SORCS2: variants seen among roughly 807,000 people sequenced by gnomAD.
SORCS2 encodes the protein sortilin related VPS10 domain containing receptor 2, also known as VPS10 domain-containing receptor SorCS2.
SORCS2 carries 100 observed loss-of-function variants against 141.6 expected under a neutral mutation model. That is an observed-to-expected ratio of 0.71 (90% CI 0.60 to 0.83). The LOEUF is 0.83. Ranked by LOEUF, SORCS2 falls within the 40% of genes least tolerant of loss-of-function variation. The probability of loss-of-function intolerance (pLI) is 0.00; values close to 1 mark genes in which losing one functional copy is unlikely to be tolerated. For synonymous variants in SORCS2, 789 were observed against 676.9 expected, an observed-to-expected ratio of 1.17 and a Z score of -2.57; for missense variants, 1,646 against 1,560.2, an observed-to-expected ratio of 1.05 and a Z score of -0.93.
At chr4:7,393,603 A>G (rs1400122153) in intron 1 of SORCS2, among the ~76,000 whole-genome samples, 1 of 152,060 alleles carries the variant, frequency 6.6e-6, no homozygotes, top group African/African-American at 2.4e-5. Context: ...TAGTTCCTTC[A>G]TCTGTAAAAC....
At chr4:7,456,470 A>T (rs1334537076) in intron 2 of SORCS2, among the ~76,000 whole-genome samples, 2 of 150,572 alleles carry the variant, frequency 1.3e-5, no homozygotes, top group African/African-American at 5.0e-5. Context: ...CATAAGCCTG[A>T]AGGGTGAGAG....
chr4:7,496,794 C>G (rs1211985733), intron 2 of SORCS2, among the ~76,000 whole-genome samples: 1 of 152,102 alleles, frequency 6.6e-6, no homozygotes, highest in East Asian at 1.9e-4. Flanking sequence ...GATGACAAAA[C>G]AAAGGACCTT....
At chr4:7,324,281 G>A (rs1226475186) in intron 1 of SORCS2, among the ~76,000 whole-genome samples, 1 of 152,238 alleles carries the variant, frequency 6.6e-6, no homozygotes, top group Non-Finnish European at 1.5e-5. Flanking sequence ...TGGTGGTGAG[G>A]CAGGTGGCTG....
intron 3 of SORCS2, among the ~76,000 whole-genome samples, chr4:7,550,643 C>G (rs1460262042): frequency 6.6e-6 from 1 of 152,238 alleles, no homozygotes; most frequent in Admixed American, 6.5e-5. Context: ...AACCCAATGT[C>G]TGCCCACCCT....
At chr4:7,397,495 C>A (rs1461870320) in intron 2 of SORCS2, among the ~76,000 whole-genome samples, 1 of 152,058 alleles carries the variant, frequency 6.6e-6, no homozygotes, top group Non-Finnish European at 1.5e-5. Flanking sequence ...ACCCACTGGT[C>A]TCTTCTAATT....
chr4:7,708,716 T>C (rs1354813831), intron 14 of SORCS2, among the ~76,000 whole-genome samples: 1 of 152,230 alleles, frequency 6.6e-6, no homozygotes, highest in Non-Finnish European at 1.5e-5. Context: ...ACGGGCTGTT[T>C]TCATACGTGA....
rs564620117 is a variant in SORCS2 at position 7,297,289 on chromosome 4, C to G, written c.481-98999C>G. Among the ~76,000 whole-genome samples, 4 of 152,282 alleles carry G rather than the reference C, an allele frequency of 2.6e-5. No individual in the cohort carries two copies. In the South Asian group the frequency reaches 8.3e-4, roughly 32 times the overall value. Reference sequence around the variant, plus strand: ...CCTGAGGGAGGAATCGGTGAATGAGCCCCCAGAGTCGGTGGGGCTGGAGGG... The same window carrying G: ...CCTGAGGGAGGAATCGGTGAATGAGGCCCCAGAGTCGGTGGGGCTGGAGGG... On this transcript the variant is annotated intron_variant, in intron 1 of 26. Transcript: ENST00000507866.
At chr4:7,306,683 G>T (rs973591301) in intron 1 of SORCS2, among the ~76,000 whole-genome samples, 1 of 152,206 alleles carries the variant, frequency 6.6e-6, no homozygotes, top group African/African-American at 2.4e-5. Context: ...GAAGTGCTCT[G>T]TGCTCTCCAG....
chr4:7,565,127 T>G (rs1714873562), intron 3 of SORCS2, among the ~76,000 whole-genome samples: 1 of 152,190 alleles, frequency 6.6e-6, no homozygotes, highest in Non-Finnish European at 1.5e-5. Flanking sequence ...CTGTGGAGAC[T>G]CCACTCGCTC....
At chr4:7,478,821 C>T (rs73088063) in intron 2 of SORCS2, among the ~76,000 whole-genome samples, 2 of 152,162 alleles carry the variant, frequency 1.3e-5, no homozygotes, top group African/African-American at 4.8e-5. Flanking sequence ...CGGCCCATGA[C>T]AGGGGAGACC....
chr4:7,316,321 A>T (rs1384007505), intron 1 of SORCS2, among the ~76,000 whole-genome samples: 1 of 152,206 alleles, frequency 6.6e-6, no homozygotes, highest in Non-Finnish European at 1.5e-5. Flanking sequence ...ATTTTTTTGG[A>T]CATCTCTCAT....
chr4:7,513,340 C>CA (rs1372032546), intron 2 of SORCS2, among the ~76,000 whole-genome samples: 8 of 152,284 alleles, frequency 5.3e-5, no homozygotes, highest in Admixed American at 1.3e-4. Context: ...ACCTGCCCCC[C>CA]AACCCTGCAG....
chr4:7,487,373 A>G (rs1172022541), intron 2 of SORCS2, among the ~76,000 whole-genome samples: 1 of 152,188 alleles, frequency 6.6e-6, no homozygotes, highest in Non-Finnish European at 1.5e-5. Context: ...TGGCTCCTGG[A>G]TAAGGCTGTG....
chr4:7,622,840 TGTG>T (rs558847542), intron 3 of SORCS2, among the ~76,000 whole-genome samples: 2 of 152,210 alleles, frequency 1.3e-5, no homozygotes, highest in South Asian at 4.2e-4. Context: ...ATCTTTCATC[TGTG>T]GTAGGAAGGA....
At chr4:7,406,948 G>A (rs987274264) in intron 2 of SORCS2, among the ~76,000 whole-genome samples, 14 of 151,816 alleles carry the variant, frequency 9.2e-5, no homozygotes, top group Admixed American at 5.9e-4. Context: ...CCCATTGGCC[G>A]TTCAGGAGCA....
At chr4:7,366,555 A>C (rs1447782461) in intron 1 of SORCS2, among the ~76,000 whole-genome samples, 1 of 109,342 alleles carries the variant, frequency 9.1e-6, no homozygotes, top group Non-Finnish European at 1.9e-5. Context: ...CCCCTCCTCC[A>C]TCCTCATCAG....
At chr4:7,241,250 T>TG (rs1294794565) in intron 1 of SORCS2, among the ~76,000 whole-genome samples, 3 of 152,134 alleles carry the variant, frequency 2.0e-5, no homozygotes, top group African/African-American at 7.2e-5. Flanking sequence ...CCCCATTTCC[T>TG]GGGGGGCCGG....
At chr4:7,493,894 A>T (rs1042024138) in intron 2 of SORCS2, among the ~76,000 whole-genome samples, 3 of 152,188 alleles carry the variant, frequency 2.0e-5, no homozygotes, top group African/African-American at 7.2e-5. Context: ...CCTCGAAATA[A>T]ACCAGGAAGT....
intron 1 of SORCS2, among the ~76,000 whole-genome samples, chr4:7,200,739 A>T (rs1464589115): frequency 6.6e-6 from 1 of 151,864 alleles, no homozygotes; most frequent in African/African-American, 2.4e-5. Flanking sequence ...TGAGGACTGA[A>T]CCTCTCTGAG....
Sources: allele counts gnomAD v4.1 joint callset (sites outside exome capture counted in the v4.1 genomes callset), GRCh38; gene constraint gnomAD v4.1.1; transcripts MANE v1.5; gene names NCBI Gene and HGNC (gene_info 2026-07-23, HGNC 2026-07-21).